NRXN3: variants seen among roughly 807,000 people sequenced by gnomAD.
NRXN3 encodes the protein neurexin III.
A neutral mutation model predicts 137.6 loss-of-function variants in NRXN3; 32 were observed. The observed-to-expected ratio is 0.23, with a 90% confidence interval of 0.18 to 0.31. NRXN3 has a LOEUF of 0.31. NRXN3 is among the 10% of genes least tolerant of loss of function. The probability of loss-of-function intolerance (pLI) is 1.00; values close to 1 mark genes in which losing one functional copy is unlikely to be tolerated. For missense variants in NRXN3, 1,574 were observed against 2,062.5 expected (o/e 0.76, Z 4.59); for synonymous variants, 798 against 784.5 (o/e 1.02, Z -0.29).
chr14:79,110,802 A>ATTTATTTT (rs1555758185), intron 15 of NRXN3, among the ~76,000 whole-genome samples: 1 of 149,752 alleles, frequency 6.7e-6, no homozygotes, highest in Non-Finnish European at 1.5e-5. Flanking sequence ...TTATTTTTTT[A>ATTTATTTT]TTTTTTGAGA....
intron 19 of NRXN3, among the ~76,000 whole-genome samples, chr14:79,762,756 G>A (rs891083250): frequency 8.6e-5 from 13 of 151,664 alleles, no homozygotes; most frequent in African/African-American, 2.9e-4. Flanking sequence ...ATAAGTTGTA[G>A]TGGCTATTTT....
At chr14:79,528,079 A>AG (rs1359395419) in intron 16 of NRXN3, among the ~76,000 whole-genome samples, 1 of 152,128 alleles carries the variant, frequency 6.6e-6, no homozygotes, top group Admixed American at 6.5e-5. Flanking sequence ...CTATTTACGT[A>AG]TTTAACCAAA....
At chr14:79,324,289 G>A (rs1251478998) in intron 15 of NRXN3, among the ~76,000 whole-genome samples, 1 of 152,178 alleles carries the variant, frequency 6.6e-6, no homozygotes. Context: ...CTTTTGAAAA[G>A]CAGATTTAAA....
At chr14:79,216,649 C>G (rs1283959398) in intron 15 of NRXN3, among the ~76,000 whole-genome samples, 2 of 152,132 alleles carry the variant, frequency 1.3e-5, no homozygotes, top group Non-Finnish European at 1.5e-5. Flanking sequence ...TTAAAGTGCT[C>G]TGTGTTTGAA....
intron 15 of NRXN3, among the ~76,000 whole-genome samples, chr14:79,157,103 T>C (rs1296354511): frequency 6.6e-6 from 1 of 151,808 alleles, no homozygotes; most frequent in Non-Finnish European, 1.5e-5. Context: ...GGTGGTCATG[T>C]TATTGTTGTT....
intron 16 of NRXN3, among the ~76,000 whole-genome samples, chr14:79,537,005 T>G (rs1159396834): frequency 2.6e-5 from 4 of 152,158 alleles, no homozygotes; most frequent in Non-Finnish European, 1.5e-5. Flanking sequence ...TAATGGTATT[T>G]CTGGTTCTAG....
rs146139428 is a variant in NRXN3 at position 78,398,308 on chromosome 14, A to T, written c.757+100448A>T. On this transcript the variant is annotated intron_variant, in intron 4 of 20. Transcript: ENST00000335750. ...ATTGTCTCTTTTTATTCATTTTGAG[A>T]TCATCTCAGTTCTTGCTATGATGTG... Among the ~76,000 whole-genome samples the T allele has an allele frequency of 5.3e-5, 8 of 151,734 alleles. No individual in the cohort carries two copies. In the East Asian group the frequency reaches 1.2e-3, roughly 22 times the overall value.
chr14:78,766,507 A>G (rs1371877442), intron 8 of NRXN3, among the ~76,000 whole-genome samples: 1 of 152,208 alleles, frequency 6.6e-6, no homozygotes, highest in Admixed American at 6.5e-5. Context: ...GTCTATGTCT[A>G]AAGGATAAGA....
intron 19 of NRXN3, among the ~76,000 whole-genome samples, chr14:79,767,041 T>A (rs755809063): frequency 6.6e-6 from 1 of 152,212 alleles, no homozygotes; most frequent in Non-Finnish European, 1.5e-5. Flanking sequence ...TATTTCCTGA[T>A]AAGCTTTGAG....
chr14:78,738,254 G>A (rs142198870), intron 8 of NRXN3, among the ~76,000 whole-genome samples: 304 of 152,332 alleles, frequency 2.0e-3, no homozygotes, highest in African/African-American at 7.2e-3. Context: ...TAGAGCAGGA[G>A]CTAAGGCAGG....
At chr14:78,542,490 C>T (rs564963957) in intron 4 of NRXN3, among the ~76,000 whole-genome samples, 3 of 152,220 alleles carry the variant, frequency 2.0e-5, no homozygotes, top group South Asian at 2.1e-4. Flanking sequence ...TGTGACCCAT[C>T]GAGCCAGGCA....
At chr14:78,180,632 C>A (rs1290989361) in intron 1 of NRXN3, among the ~76,000 whole-genome samples, 1 of 152,170 alleles carries the variant, frequency 6.6e-6, no homozygotes, top group Non-Finnish European at 1.5e-5. Context: ...GTTCTATTGT[C>A]CCATATACAC....
chr14:79,719,402 G>GTATATATATGTGTGTGTATATATATA (rs5741998), intron 19 of NRXN3, among the ~76,000 whole-genome samples: 263 of 142,294 alleles, frequency 1.8e-3, no homozygotes, highest in African/African-American at 6.4e-3. Flanking sequence ...ATATATGTGT[G>GTATATATATGTGTGTGTATATATATA]TATATATATA....
At chr14:78,836,610 T>C (rs1164019104) in intron 10 of NRXN3, among the ~76,000 whole-genome samples, 1 of 152,174 alleles carries the variant, frequency 6.6e-6, no homozygotes, top group African/African-American at 2.4e-5. Flanking sequence ...GGTGCTCTAA[T>C]TTGGAGCCCT....
chr14:79,599,668 T>G (rs570858220), intron 16 of NRXN3, among the ~76,000 whole-genome samples: 2 of 152,240 alleles, frequency 1.3e-5, no homozygotes, highest in South Asian at 4.1e-4. Context: ...TCTGACCACT[T>G]TATGTATATT....
chr14:79,777,189 G>A (rs988767387), intron 19 of NRXN3, among the ~76,000 whole-genome samples: 1 of 152,164 alleles, frequency 6.6e-6, no homozygotes, highest in Non-Finnish European at 1.5e-5. Context: ...CCAGATAAAA[G>A]ATGCAAACTA....
chr14:78,985,676 T>C (rs12436039), intron 14 of NRXN3, among the ~76,000 whole-genome samples: 25,409 of 152,246 alleles, frequency 0.17, 2,613 homozygotes, highest in East Asian at 0.47. Context: ...ACAGTAAAAC[T>C]TTCCATAAAC....
chr14:78,858,437 T>C (rs937879318), intron 10 of NRXN3, among the ~76,000 whole-genome samples: 1 of 152,180 alleles, frequency 6.6e-6, no homozygotes, highest in Admixed American at 6.5e-5. Context: ...CTACCTTCAC[T>C]AGAGTAATTT....
chr14:79,491,633 C>T (rs8017761), intron 16 of NRXN3, among the ~76,000 whole-genome samples: 81,069 of 151,546 alleles, frequency 0.53, 24,458 homozygotes, highest in African/African-American at 0.84. Flanking sequence ...GAAATGGCTA[C>T]TTTTCACCCT....
Sources: gnomAD v4.1 joint callset for allele counts (sites outside exome capture counted in the v4.1 genomes callset) on GRCh38, gnomAD v4.1.1 for gene constraint, MANE v1.5 for transcripts, NCBI Gene and HGNC (gene_info 2026-07-23, HGNC 2026-07-21) for gene names.